Variants in DEPTOR observed in about 807,000 individuals in gnomAD.
DEPTOR encodes the protein DEP domain containing MTOR interacting protein, also known as DEP domain-containing mTOR-interacting protein.
DEPTOR carries 41 observed loss-of-function variants against 41.6 expected under a neutral mutation model. The ratio of observed to expected loss-of-function variants is 0.98; its 90% CI spans 0.77 to 1.28. The LOEUF is 1.28. Ranked by LOEUF, DEPTOR falls within the 50% of genes most tolerant of loss-of-function variation. DEPTOR has a pLI of 0.00. For synonymous variants in DEPTOR, 195 were observed against 192.3 expected (o/e 1.01, Z -0.12); for missense variants, 514 against 527.9 (o/e 0.97, Z 0.26).
chr8:119,977,294 C>T (rs1158698668), intron 4 of DEPTOR, among the ~76,000 whole-genome samples: 1 of 152,050 alleles, frequency 6.6e-6, no homozygotes, highest in African/African-American at 2.4e-5. Context: ...TGAGCCACTG[C>T]ACATGACCAT....
chr8:120,048,566 A>G (rs559888716), intron 8 of DEPTOR, among the ~76,000 whole-genome samples: 1 of 152,316 alleles, frequency 6.6e-6, no homozygotes, highest in Non-Finnish European at 1.5e-5. Flanking sequence ...AAAACACCCT[A>G]GTAGGTTGGG....
chr8:119,951,693 A>T (rs1828355668), intron 3 of DEPTOR, among the ~76,000 whole-genome samples: 1 of 152,212 alleles, frequency 6.6e-6, no homozygotes. Flanking sequence ...CTTAGTTTTT[A>T]GTCAGTTGAT....
At position 120,038,176 on chromosome 8, in the gene DEPTOR, C is replaced by T. The variant is rs140476016; in HGVS notation, c.1102-11400C>T. ...CCCAGCTACTAGGGAGGCTGAGGCACGAGAATTGCTTGAACCCAGGAAGTA... is the reference window on the plus strand; with the variant it reads ...CCCAGCTACTAGGGAGGCTGAGGCATGAGAATTGCTTGAACCCAGGAAGTA... On this transcript the variant is annotated intron_variant, in intron 8 of 8. Coordinates refer to ENST00000286234, the MANE Select transcript of DEPTOR (RefSeq NM_022783.4). Among the ~76,000 whole-genome samples the T allele has an allele frequency of 2.5e-3, 368 of 147,918 alleles. 1 individual carries two copies. The highest frequency in any genetic ancestry group is 0.012 in the South Asian group (56 of 4,682).
chr8:120,023,947 CA>C (rs2130146405), intron 8 of DEPTOR, among the ~76,000 whole-genome samples: 1 of 152,124 alleles, frequency 6.6e-6, no homozygotes, highest in South Asian at 2.1e-4. Flanking sequence ...TTTTAAAAAA[CA>C]CATCTCATTG....
At chr8:119,894,412 T>TTTATTTATTTGTTTA (rs1554671423) in intron 1 of DEPTOR, among the ~76,000 whole-genome samples, 1 of 148,654 alleles carries the variant, frequency 6.7e-6, no homozygotes, top group Non-Finnish European at 1.5e-5. Context: ...TTATTTATTT[T>TTTATTTATTTGTTTA]TTGAGACAGA....
intron 1 of DEPTOR, among the ~76,000 whole-genome samples, chr8:119,895,332 A>G (rs767645444): frequency 2.0e-5 from 3 of 152,214 alleles, no homozygotes; most frequent in Admixed American, 6.5e-5. Flanking sequence ...GGTGAAGTAG[A>G]TAAAGGTGAA....
rs527741088 is a variant in DEPTOR at position 119,983,025 on chromosome 8, A to G, written c.604+17615A>G. 8.5e-5 allele frequency among the ~76,000 whole-genome samples: 13 copies of G among 152,338 alleles called. No homozygotes were observed. The South Asian group carries it at 2.7e-3, about 32-fold the overall frequency. On this transcript the variant is annotated intron_variant, in intron 4 of 8. Transcript: ENST00000286234. ...GGACAAATGTCTTTTTCATTAAATAACTAAGCAAACTTCCTTATGAAACAT... is the reference window on the plus strand; with the variant it reads ...GGACAAATGTCTTTTTCATTAAATAGCTAAGCAAACTTCCTTATGAAACAT...
chr8:119,980,515 C>CTTTTCTT (rs1828752225), intron 4 of DEPTOR, among the ~76,000 whole-genome samples: 1 of 41,508 alleles, frequency 2.4e-5, no homozygotes. Context: ...TTTCTTTTCT[C>CTTTTCTT]TCTTTGTGTT....
chr8:119,947,864 T>C (rs772367841), intron 3 of DEPTOR, among the ~76,000 whole-genome samples: 2 of 152,138 alleles, frequency 1.3e-5, no homozygotes, highest in Non-Finnish European at 2.9e-5. Context: ...TCTGACCTAA[T>C]CTTTACCTGC....
At position 119,883,060 on chromosome 8, in the gene DEPTOR, T is replaced by A. The variant is rs144369062; in HGVS notation, c.122+9092T>A. ...TGCTTGCAAGGTGGTACCTTCAGGATCAACTTGAGCTATTTTCATCAGGGC... is the reference window on the plus strand; with the variant it reads ...TGCTTGCAAGGTGGTACCTTCAGGAACAACTTGAGCTATTTTCATCAGGGC... On this transcript the variant is annotated intron_variant, in intron 1 of 8. Transcript: ENST00000286234. Among the ~76,000 whole-genome samples, 88 of 152,190 alleles carry A rather than the reference T, an allele frequency of 5.8e-4. 1 individual carries two copies. The East Asian group carries it at 0.014, about 23-fold the overall frequency.
chr8:119,952,981 T>C (rs191698882), intron 3 of DEPTOR, among the ~76,000 whole-genome samples: 1 of 152,314 alleles, frequency 6.6e-6, no homozygotes, highest in Admixed American at 6.5e-5. Flanking sequence ...AGCTGTTTAT[T>C]AGTTCCAAAC....
At chr8:119,881,326 A>T (rs1827293816) in intron 1 of DEPTOR, among the ~76,000 whole-genome samples, 2 of 152,172 alleles carry the variant, frequency 1.3e-5, no homozygotes, top group African/African-American at 4.8e-5. Context: ...GTTCCAGACC[A>T]GCCTGGCCAA....
chr8:119,946,447 T>TA (rs1287252391), intron 3 of DEPTOR, among the ~76,000 whole-genome samples: 1 of 150,192 alleles, frequency 6.7e-6, no homozygotes, highest in African/African-American at 2.5e-5. Context: ...TTTTTTTTTT[T>TA]AATGTTCTCT....
chr8:120,044,614 T>C (rs573764237), intron 8 of DEPTOR, among the ~76,000 whole-genome samples: 182 of 152,322 alleles, frequency 1.2e-3, no homozygotes, highest in Non-Finnish European at 1.7e-3. Context: ...TTGACATTCC[T>C]ATCCATACTG....
chr8:119,917,719 G>T (rs577024958), intron 1 of DEPTOR, among the ~76,000 whole-genome samples: 4 of 152,290 alleles, frequency 2.6e-5, no homozygotes, highest in African/African-American at 9.6e-5. Context: ...CCCGTAAAGG[G>T]TCTGTGCTGA....
chr8:120,032,919 C>T (rs1195069258), intron 8 of DEPTOR, among the ~76,000 whole-genome samples: 1 of 152,060 alleles, frequency 6.6e-6, no homozygotes, highest in Non-Finnish European at 1.5e-5. Context: ...TGTTCTTCCT[C>T]ATAACTGGTC....
intron 1 of DEPTOR, among the ~76,000 whole-genome samples, chr8:119,889,059 T>C (rs979339447): frequency 6.6e-6 from 1 of 151,932 alleles, no homozygotes; most frequent in African/African-American, 2.4e-5. Context: ...TAAAAATTTG[T>C]ACACAATAAC....
intron 3 of DEPTOR, among the ~76,000 whole-genome samples, chr8:119,957,016 C>T (rs1828427169): frequency 6.6e-6 from 1 of 151,836 alleles, no homozygotes. Context: ...GGATTACAGG[C>T]ATGATTCACT....
rs148081680 is a variant in DEPTOR at position 119,915,201 on chromosome 8, G to A, written c.123-13199G>A. On this transcript the variant is annotated intron_variant, in intron 1 of 8. Coordinates refer to ENST00000286234, the MANE Select transcript of DEPTOR (RefSeq NM_022783.4). ...AGGATGGTCTTGATCTCTTGACCTCGTGATATGCCTGCCTCAGCCTCCCAA... is the reference window on the plus strand; with the variant it reads ...AGGATGGTCTTGATCTCTTGACCTCATGATATGCCTGCCTCAGCCTCCCAA... Among the ~76,000 whole-genome samples, 428 of 152,162 alleles carry A rather than the reference G, an allele frequency of 2.8e-3. 3 individuals carry two copies. The highest frequency in any genetic ancestry group is 8.8e-3 in the African/African-American group (365 of 41,502).
Sources: gnomAD v4.1 joint callset for allele counts (sites outside exome capture counted in the v4.1 genomes callset) on GRCh38, gnomAD v4.1.1 for gene constraint, MANE v1.5 for transcripts, NCBI Gene and HGNC (gene_info 2026-07-23, HGNC 2026-07-21) for gene names.